The following DPP6 variants were observed in gnomAD, a reference collection of about 807,000 sequenced individuals.
DPP6 encodes the protein dipeptidyl peptidase like 6.
A neutral mutation model predicts 122.6 loss-of-function variants in DPP6; 69 were observed. The observed-to-expected ratio is 0.56, with a 90% confidence interval of 0.46 to 0.69. The LOEUF (loss-of-function observed/expected upper bound fraction) is 0.69. Ranked by LOEUF, DPP6 falls within the 30% of genes least tolerant of loss-of-function variation. DPP6 has a pLI of 0.00. For missense variants in DPP6, 928 were observed against 1,116.9 expected (o/e 0.83, Z 2.41); for synonymous variants, 418 against 433.1 (o/e 0.97, Z 0.43).
At chr7:154,783,473 C>G (rs1525754) in intron 10 of DPP6, among the ~76,000 whole-genome samples, 128,914 of 152,178 alleles carry the variant, frequency 0.85, 54,951 homozygotes, top group African/African-American at 0.94. Flanking sequence ...GGGTCAGTGG[C>G]GTGTGGCATT....
chr7:154,558,945 C>T (rs1165422759), intron 4 of DPP6, among the ~76,000 whole-genome samples: 1 of 151,956 alleles, frequency 6.6e-6, no homozygotes, highest in Non-Finnish European at 1.5e-5. Flanking sequence ...AACAAAAAGT[C>T]CTAAATTCAA....
chr7:154,564,432 A>G (rs951903032), intron 4 of DPP6, among the ~76,000 whole-genome samples: 4 of 152,222 alleles, frequency 2.6e-5, no homozygotes, highest in African/African-American at 4.8e-5. Flanking sequence ...AAAATTGGAG[A>G]AAAAACACCT....
intron 1 of DPP6, among the ~76,000 whole-genome samples, chr7:154,065,948 A>G (rs370511944): frequency 0.039 from 5,797 of 149,344 alleles, 161 homozygotes; most frequent in African/African-American, 0.059. Context: ...CAGAATACCC[A>G]TAATTTTTCC....
At chr7:154,544,278 T>C (rs190799556) in intron 4 of DPP6, among the ~76,000 whole-genome samples, 99 of 152,088 alleles carry the variant, frequency 6.5e-4, no homozygotes, top group African/African-American at 2.2e-3. Flanking sequence ...ATTTCCTCTT[T>C]TGAGAATTTT....
At chr7:154,423,339 A>G (rs79933156) in intron 1 of DPP6, among the ~76,000 whole-genome samples, 2,390 of 152,282 alleles carry the variant, frequency 0.016, 69 homozygotes, top group African/African-American at 0.055. Context: ...CGAACTGGCA[A>G]TTATGGAAGT....
intron 1 of DPP6, among the ~76,000 whole-genome samples, chr7:154,285,878 A>G (rs1205526670): frequency 6.6e-6 from 1 of 152,218 alleles, no homozygotes; most frequent in African/African-American, 2.4e-5. Context: ...TTCTGCAGGA[A>G]AACTCCGGCG....
At chr7:154,385,039 C>G (rs959875689) in intron 1 of DPP6, among the ~76,000 whole-genome samples, 2 of 152,034 alleles carry the variant, frequency 1.3e-5, no homozygotes, top group Non-Finnish European at 2.9e-5. Context: ...GGTGCGATCT[C>G]GGCTCACGGC....
chr7:154,036,177 C>A (rs955760594), intron 1 of DPP6, among the ~76,000 whole-genome samples: 1 of 151,348 alleles, frequency 6.6e-6, no homozygotes, highest in Non-Finnish European at 1.5e-5. Flanking sequence ...TGGGTGTGAT[C>A]TCAGTGTACT....
chr7:154,179,664 T>C (rs1797977199), intron 1 of DPP6, among the ~76,000 whole-genome samples: 1 of 152,092 alleles, frequency 6.6e-6, no homozygotes, highest in South Asian at 2.1e-4. Context: ...GCCTTGGTCA[T>C]CCTAGGAGTC....
exon 1 of DPP6, chr7:153,887,115 G>GGCGC (rs149953046): frequency 3.3e-5 from 5 of 152,566 alleles, no homozygotes; most frequent in East Asian, 3.9e-4. Flanking sequence ...CAGAAAACCT[G>GGCGC]GCGCGCGCGC....
the DPP6 span, among the ~76,000 whole-genome samples, chr7:153,818,536 A>C: frequency 6.6e-6 from 1 of 152,200 alleles, no homozygotes; most frequent in African/African-American, 2.4e-5. Flanking sequence ...TCAGTGAATT[A>C]ACAACACAAA....
At chr7:153,908,029 G>GTTTTTT (rs34826354) in intron 1 of DPP6, among the ~76,000 whole-genome samples, 2 of 113,908 alleles carry the variant, frequency 1.8e-5, no homozygotes, top group Non-Finnish European at 3.5e-5. Flanking sequence ...GAGGCTGGAA[G>GTTTTTT]TTTTTTTTTT....
intron 1 of DPP6, among the ~76,000 whole-genome samples, chr7:154,129,813 T>C (rs1281543854): frequency 6.6e-6 from 1 of 150,704 alleles, no homozygotes; most frequent in East Asian, 2.0e-4. Flanking sequence ...GGCAGGAGAA[T>C]GGCACAAACC....
chr7:154,774,228 G>A (rs558389175), intron 10 of DPP6, among the ~76,000 whole-genome samples: 1 of 152,142 alleles, frequency 6.6e-6, no homozygotes, highest in African/African-American at 2.4e-5. Flanking sequence ...CAAGGTGTGC[G>A]CTGGTTTGGA....
the DPP6 span, among the ~76,000 whole-genome samples, chr7:153,875,114 C>G: frequency 1.3e-5 from 2 of 152,094 alleles, no homozygotes; most frequent in African/African-American, 2.4e-5. Context: ...GTCTAAAAAG[C>G]AGTCAGAGAC....
chr7:154,498,315 C>G (rs1027339064), intron 3 of DPP6, among the ~76,000 whole-genome samples: 4 of 152,036 alleles, frequency 2.6e-5, no homozygotes, highest in Admixed American at 2.0e-4. Flanking sequence ...TACAAGCAAT[C>G]AGAGATAGAC....
At chr7:153,836,194 G>A in the DPP6 span, among the ~76,000 whole-genome samples, 5 of 152,316 alleles carry the variant, frequency 3.3e-5, no homozygotes, top group African/African-American at 4.8e-5. Flanking sequence ...CGTTTGCCAC[G>A]CTGGAGGCCA....
intron 1 of DPP6, among the ~76,000 whole-genome samples, chr7:154,281,869 A>G (rs1348560168): frequency 6.6e-6 from 1 of 152,214 alleles, no homozygotes; most frequent in African/African-American, 2.4e-5. Context: ...TACCTGAGAA[A>G]GATACAAACC....
rs946332170 is a variant in DPP6 at position 154,892,565 on chromosome 7, A to AGGGGC, written c.*101_*105dup. On this transcript the variant is annotated 3_prime_UTR_variant, in exon 26 of 26. Coordinates refer to ENST00000377770, the MANE Select transcript of DPP6 (RefSeq NM_130797.4). ...TTCCCTGCCCTCCCTCTTCCCTCGG[A>AGGGGC]GGGGCGGGGCGGGGCGGGGCCGGGT... 1.6e-4 allele frequency: 107 copies of AGGGGC among 684,712 alleles called. No individual in the cohort carries two copies. The highest frequency in any genetic ancestry group is 2.8e-4 in the East Asian group (5 of 18,178). The allele number at this position is 684,712 out of a possible 1,614,324, so 42.4% of individuals were successfully genotyped here.
Sources: allele counts gnomAD v4.1 joint callset (sites outside exome capture counted in the v4.1 genomes callset), GRCh38; gene constraint gnomAD v4.1.1; transcripts MANE v1.5; gene names NCBI Gene and HGNC (gene_info 2026-07-23, HGNC 2026-07-21).